The following CHD1L variants were observed in gnomAD, a reference collection of about 807,000 sequenced individuals.
The protein encoded by CHD1L is ATP-dependent chromatin remodeler CHD1L.
In CHD1L, 118 loss-of-function variants were observed where a neutral mutation model predicts 115.9. That is an observed-to-expected ratio of 1.02 (90% CI 0.88 to 1.19). CHD1L has a LOEUF of 1.19. Ranked by LOEUF, CHD1L falls within the 50% of genes most tolerant of loss-of-function variation. The pLI, the probability that CHD1L is intolerant of heterozygous loss-of-function variation, is 0.00. For missense variants in CHD1L, 1,179 were observed against 1,065.3 expected (o/e 1.11, Z -1.49); for synonymous variants, 411 against 387.1 (o/e 1.06, Z -0.72).
rs1488698431 is a variant in CHD1L at position 147,258,403 on chromosome 1, A to G, written c.495-1434A>G. On this transcript the variant is annotated intron_variant, in intron 5 of 22. Coordinates refer to ENST00000369258, the MANE Select transcript of CHD1L (RefSeq NM_004284.6). ...GACACCTAAATGTCTAGTTCTTCAC[A>G]AGGGAATAGGACCTAATCTGTTTTG... 2.0e-5 allele frequency among the ~76,000 whole-genome samples: 3 copies of G among 152,170 alleles called. No individual in the cohort carries two copies. The East Asian group carries it at 5.8e-4, about 29-fold the overall frequency.
intron 9 of CHD1L, among the ~76,000 whole-genome samples, chr1:147,268,581 A>G (rs587671673): frequency 6.6e-6 from 1 of 152,266 alleles, no homozygotes; most frequent in South Asian, 2.1e-4. Flanking sequence ...AGTTTCCTGA[A>G]GAGTGGTTTT....
At position 147,265,930 on chromosome 1, in the gene CHD1L, A is replaced by T. The variant is rs1553947833; in HGVS notation, c.740-2A>T. 1 of 1,602,550 alleles carries T rather than the reference A, an allele frequency of 6.2e-7. No individual in the cohort carries two copies. The highest frequency in any genetic ancestry group is 1.7e-5 in the Admixed American group (1 of 57,392). ...CTTCTTGTATTTTTTTTTCTTATGT[A>T]GCAAGTGAACTGCACAAACTCTTGC... On this transcript the variant is annotated splice_acceptor_variant, in intron 7 of 22. Coordinates refer to ENST00000369258, the MANE Select transcript of CHD1L (RefSeq NM_004284.6). LOFTEE classifies it high-confidence loss of function.
the CHD1L span, among the ~76,000 whole-genome samples, chr1:147,217,097 G>T: frequency 6.6e-6 from 1 of 151,916 alleles, no homozygotes. Flanking sequence ...AAAATTAGCC[G>T]GGCGTGGTGG....
intron 1 of CHD1L, among the ~76,000 whole-genome samples, chr1:147,245,604 C>G (rs1432474153): frequency 6.6e-6 from 1 of 152,054 alleles, no homozygotes; most frequent in African/African-American, 2.4e-5. Flanking sequence ...CCTAACCTAC[C>G]AAGGGTAATT....
rs369379358 is a variant in CHD1L, at chr1:147,255,094, A to G, written c.347+118A>G. The G allele has an allele frequency of 5.8e-5, 40 of 687,716 alleles. No homozygotes were observed. In the African/African-American group the frequency reaches 6.5e-4, roughly 11 times the overall value. The allele number at this position is 687,716 out of a possible 1,614,324, so 42.6% of individuals were successfully genotyped here. ...TCGTAATTAGTAAGTTTATTCCAGA[A>G]AACTTTGAGCTGATAGAGTGTAGGT... On this transcript the variant is annotated intron_variant, in intron 3 of 22. Transcript: ENST00000369258.
chr1:147,220,807 C>A, the CHD1L span, among the ~76,000 whole-genome samples: 2 of 151,964 alleles, frequency 1.3e-5, no homozygotes, highest in Admixed American at 1.3e-4. Context: ...TTCATATGTA[C>A]CCCCGAACCT....
chr1:147,288,465 G>A (rs1161192019), intron 19 of CHD1L, among the ~76,000 whole-genome samples: 2 of 151,842 alleles, frequency 1.3e-5, no homozygotes, highest in Admixed American at 6.6e-5. Context: ...AGGCCGAGAC[G>A]AGGCAAGGAA....
At chr1:147,237,739 G>A (rs1429430945), upstream of CHD1L, among the ~76,000 whole-genome samples, 1 of 152,178 alleles carries the variant, frequency 6.6e-6, no homozygotes, top group Non-Finnish European at 1.5e-5. Context: ...GACTAGCTGG[G>A]CAGATTGCAT....
At chr1:147,246,483 CTG>C (rs782615834) in intron 1 of CHD1L, among the ~76,000 whole-genome samples, 1 of 152,350 alleles carries the variant, frequency 6.6e-6, no homozygotes, top group East Asian at 1.9e-4. Flanking sequence ...AGCTGCCAAA[CTG>C]TTTCCAGAGT....
the CHD1L span, chr1:147,215,647 G>A: frequency 2.6e-6 from 2 of 776,848 alleles, no homozygotes; most frequent in Admixed American, 2.7e-5. Flanking sequence ...ATAAATACAT[G>A]TGCAAATCAA....
chr1:147,253,982 T>A (rs1264116470), intron 2 of CHD1L, among the ~76,000 whole-genome samples: 1 of 152,254 alleles, frequency 6.6e-6, no homozygotes, highest in Non-Finnish European at 1.5e-5. Context: ...CTTTTTGTGC[T>A]GTTTAATCTT....
the CHD1L span, chr1:147,201,168 G>A: frequency 6.2e-7 from 1 of 1,611,718 alleles, no homozygotes; most frequent in African/African-American, 1.3e-5. Context: ...ATACCTGAGT[G>A]GCCCAGCGTC....
intron 1 of CHD1L, among the ~76,000 whole-genome samples, chr1:147,246,905 C>A (rs1228954265): frequency 6.6e-6 from 1 of 152,186 alleles, no homozygotes; most frequent in Non-Finnish European, 1.5e-5. Flanking sequence ...TATAAGAACT[C>A]ATTGGCTATT....
upstream of CHD1L, chr1:147,242,582 C>G (rs1264302620): frequency 9.8e-7 from 1 of 1,015,882 alleles, no homozygotes; most frequent in South Asian, 5.2e-5. Flanking sequence ...TGGCAGGACG[C>G]GCCCTCTGGC....
At chr1:147,190,612 C>T in the CHD1L span, among the ~76,000 whole-genome samples, 5 of 152,096 alleles carry the variant, frequency 3.3e-5, no homozygotes, top group African/African-American at 9.7e-5. Context: ...TGGGAAAACA[C>T]AGCTGCACCT....
the CHD1L span, among the ~76,000 whole-genome samples, chr1:147,232,072 C>T: frequency 6.6e-6 from 1 of 152,268 alleles, no homozygotes; most frequent in East Asian, 1.9e-4. Context: ...CATCTTGGCT[C>T]CACCCCCCAG....
chr1:147,180,353 G>A, the CHD1L span, among the ~76,000 whole-genome samples: 922 of 152,030 alleles, frequency 6.1e-3, 4 homozygotes, highest in Middle Eastern at 0.01. Flanking sequence ...GTTCATTGGC[G>A]CGATCTCAGC....
At chr1:147,234,565 T>TG in the CHD1L span, among the ~76,000 whole-genome samples, 1 of 152,228 alleles carries the variant, frequency 6.6e-6, no homozygotes, top group African/African-American at 2.4e-5. Flanking sequence ...GGCATGTAGT[T>TG]GGAGTTCAAG....
At chr1:147,262,784 A>AT (rs1372948958) in intron 6 of CHD1L, among the ~76,000 whole-genome samples, 4 of 151,940 alleles carry the variant, frequency 2.6e-5, no homozygotes, top group East Asian at 1.9e-4. Flanking sequence ...TTCATTTATC[A>AT]TTTTTTGTAT....
Sources: gnomAD v4.1 joint callset for allele counts (sites outside exome capture counted in the v4.1 genomes callset) on GRCh38, gnomAD v4.1.1 for gene constraint, MANE v1.5 for transcripts, NCBI Gene and HGNC (gene_info 2026-07-23, HGNC 2026-07-21) for gene names.